The following SEMA5A variants were observed in gnomAD, a reference collection of about 807,000 sequenced individuals.
The protein encoded by SEMA5A is semaphorin-5A.
Under a neutral mutation model 135.5 loss-of-function variants are expected in SEMA5A, and 55 were observed. The observed-to-expected ratio is 0.41, with a 90% confidence interval of 0.33 to 0.51. The LOEUF is 0.51. Among genes scored for constraint, SEMA5A ranks in the 20% least tolerant of loss-of-function variants. SEMA5A has a pLI of 0.37. For synonymous variants in SEMA5A, 580 were observed against 546.5 expected (o/e 1.06, Z -0.85); for missense variants, 1,290 against 1,419.9 (o/e 0.91, Z 1.47).
intron 3 of SEMA5A, among the ~76,000 whole-genome samples, chr5:9,362,313 C>G (rs141680599): frequency 3.2e-4 from 49 of 152,124 alleles, no homozygotes; most frequent in Non-Finnish European, 6.3e-4. Context: ...TATTTCTGTC[C>G]CCTGGAACTG....
intron 18 of SEMA5A, among the ~76,000 whole-genome samples, chr5:9,059,080 G>C (rs1737043993): frequency 1.3e-5 from 2 of 152,016 alleles, no homozygotes; most frequent in African/African-American, 4.8e-5. Context: ...TAGAATTATT[G>C]TTTGCAAAAT....
At chr5:9,412,695 A>C (rs530939476) in intron 2 of SEMA5A, among the ~76,000 whole-genome samples, 74 of 151,074 alleles carry the variant, frequency 4.9e-4, no homozygotes, top group African/African-American at 1.7e-3. Context: ...ATGTTTAAAT[A>C]CACCTTATAC....
chr5:9,544,752 C>A (rs911701803), intron 1 of SEMA5A, among the ~76,000 whole-genome samples: 1 of 152,218 alleles, frequency 6.6e-6, no homozygotes, highest in Non-Finnish European at 1.5e-5. Context: ...GAGGTGAACG[C>A]GCTTCCCGCC....
At chr5:9,257,666 C>T (rs976442951) in intron 5 of SEMA5A, among the ~76,000 whole-genome samples, 3 of 152,078 alleles carry the variant, frequency 2.0e-5, no homozygotes, top group African/African-American at 7.2e-5. Context: ...AGATGACGTC[C>T]CCTTACTTCT....
At chr5:9,152,102 CTCAAGGAAGGAGA>C (rs1211055429) in intron 12 of SEMA5A, among the ~76,000 whole-genome samples, 2 of 152,224 alleles carry the variant, frequency 1.3e-5, no homozygotes, top group East Asian at 3.9e-4. Context: ...ATGACCCAGA[CTCAAGGAAGGAGA>C]GCAACCTGTA....
intron 2 of SEMA5A, among the ~76,000 whole-genome samples, chr5:9,432,689 C>A (rs192437951): frequency 6.6e-6 from 1 of 152,128 alleles, no homozygotes; most frequent in Non-Finnish European, 1.5e-5. Context: ...CATTATTGTA[C>A]GCACATCACA....
intron 9 of SEMA5A, among the ~76,000 whole-genome samples, chr5:9,197,728 T>TTGTGTGTGTGTGTGTG (rs70943946): frequency 5.4e-4 from 32 of 59,252 alleles, no homozygotes; most frequent in African/African-American, 7.5e-4. Context: ...GGAAAGCTGT[T>TTGTGTGTGTGTGTGTG]TGTGTGTGTG....
intron 3 of SEMA5A, among the ~76,000 whole-genome samples, chr5:9,369,283 C>T (rs1433386451): frequency 6.6e-6 from 1 of 152,112 alleles, no homozygotes; most frequent in Non-Finnish European, 1.5e-5. Flanking sequence ...CAAATATTCC[C>T]ACACAGTGTA....
intron 16 of SEMA5A, among the ~76,000 whole-genome samples, chr5:9,086,902 C>A (rs775083938): frequency 1.3e-5 from 2 of 152,000 alleles, no homozygotes; most frequent in African/African-American, 2.4e-5. Context: ...ATTTTATTTT[C>A]TTTTTTGCTA....
intron 13 of SEMA5A, among the ~76,000 whole-genome samples, chr5:9,124,459 GGTT>G (rs1218938099): frequency 6.6e-6 from 1 of 152,142 alleles, no homozygotes; most frequent in East Asian, 1.9e-4. Context: ...CTCCTGTTTT[GGTT>G]GTTGTTGTTT....
intron 6 of SEMA5A, among the ~76,000 whole-genome samples, chr5:9,236,694 C>T (rs553237349): frequency 1.3e-4 from 20 of 152,266 alleles, no homozygotes; most frequent in East Asian, 7.7e-4. Flanking sequence ...GCCTTTTCTG[C>T]GGTTAAATAT....
intron 8 of SEMA5A, among the ~76,000 whole-genome samples, chr5:9,217,563 TG>T (rs1472988757): frequency 6.6e-6 from 1 of 152,264 alleles, no homozygotes; most frequent in Non-Finnish European, 1.5e-5. Context: ...GAAGTTTTCA[TG>T]GATGATATTT....
intron 5 of SEMA5A, chr5:9,265,472 G>A (rs72727215): frequency 0.045 from 20,518 of 456,288 alleles, 532 homozygotes; most frequent in Non-Finnish European, 0.051. Flanking sequence ...ACAGCCCTGT[G>A]ATGTTCAACT....
At chr5:9,073,089 T>C (rs1319034846) in intron 16 of SEMA5A, among the ~76,000 whole-genome samples, 1 of 152,132 alleles carries the variant, frequency 6.6e-6, no homozygotes, top group African/African-American at 2.4e-5. Flanking sequence ...CCCAAGTCAT[T>C]CTATGAGGCC....
chr5:9,051,240 T>A (rs930665652), intron 20 of SEMA5A, among the ~76,000 whole-genome samples: 36 of 152,210 alleles, frequency 2.4e-4, no homozygotes, highest in Non-Finnish European at 4.4e-5. Flanking sequence ...AATTCAACTC[T>A]ACTATTTATT....
intron 5 of SEMA5A, among the ~76,000 whole-genome samples, chr5:9,263,999 A>G (rs1749545990): frequency 6.6e-6 from 1 of 152,176 alleles, no homozygotes; most frequent in South Asian, 2.1e-4. Context: ...TTGCCATTAA[A>G]CTAATTTTAG....
At chr5:9,285,594 AG>A (rs1452326043) in intron 5 of SEMA5A, among the ~76,000 whole-genome samples, 11 of 152,324 alleles carry the variant, frequency 7.2e-5, no homozygotes, top group African/African-American at 2.6e-4. Flanking sequence ...TCTCCAAGCC[AG>A]ACTTAAACAC....
At chr5:9,173,207 T>C (rs1232839216) in intron 11 of SEMA5A, among the ~76,000 whole-genome samples, 1 of 151,768 alleles carries the variant, frequency 6.6e-6, no homozygotes, top group Admixed American at 6.6e-5. Flanking sequence ...CAATAACTCA[T>C]TCATTCAGCA....
chr5:9,371,241 G>C (rs886167648), intron 3 of SEMA5A, among the ~76,000 whole-genome samples: 15 of 152,052 alleles, frequency 9.9e-5, no homozygotes, highest in Admixed American at 7.9e-4. Context: ...AGTGGCCCTA[G>C]AACGCAAAAG....
Sources: gnomAD v4.1 joint callset for allele counts (sites outside exome capture counted in the v4.1 genomes callset) on GRCh38, gnomAD v4.1.1 for gene constraint, MANE v1.5 for transcripts, NCBI Gene and HGNC (gene_info 2026-07-23, HGNC 2026-07-21) for gene names.